CREG2: variants seen among roughly 807,000 people sequenced by gnomAD.
CREG2 encodes the protein protein CREG2.
A neutral mutation model predicts 26.2 loss-of-function variants in CREG2; 24 were observed. That is an observed-to-expected ratio of 0.92 (90% CI 0.66 to 1.29). The LOEUF (loss-of-function observed/expected upper bound fraction) is 1.29. CREG2 is among the 50% of genes most tolerant of loss of function. The probability of loss-of-function intolerance (pLI) is 0.00; values close to 1 mark genes in which losing one functional copy is unlikely to be tolerated. For missense variants in CREG2, 366 were observed against 398.6 expected, an observed-to-expected ratio of 0.92 and a Z score of 0.70; for synonymous variants, 174 against 169.2, an observed-to-expected ratio of 1.03 and a Z score of -0.22.
chr2:101,355,360 GT>G lies in CREG2; in HGVS notation c.617del (p.Asn206ThrfsTer13), dbSNP rs755179368. On this transcript the variant is annotated frameshift_variant, in exon 3 of 4. Transcript: ENST00000324768. LOFTEE classifies it high-confidence loss of function. ...ATCGGGGATCTTCCGGATCAACGAT[GT>G]TTTTTCTGCATGTGAAAAACATTTT... is the stretch of plus-strand genomic sequence containing the variant. The part of the protein sequence containing the change: ...PESEGEFCRK[N>X]IVDPEDPRCV... The G allele has an allele frequency of 1.9e-6, 3 of 1,610,734 alleles. No individual in the cohort carries two copies. Among genetic ancestry groups the G allele is most frequent in the Non-Finnish European group, 1.7e-6 (2 of 1,176,960 alleles).
intron 2 of CREG2, among the ~76,000 whole-genome samples, chr2:101,357,663 A>T (rs1227459405): frequency 6.6e-6 from 1 of 152,032 alleles, no homozygotes; most frequent in Admixed American, 6.6e-5. Flanking sequence ...TACCAAGGAC[A>T]TTTGTACATC....
rs866847285 is a variant in CREG2, at chr2:101,387,362, G to A, written c.96C>T (p.Tyr32=). ...CCCAAGACACGGAGCTCACGATCAC[G>A]TAGCCCGCGGCCGGGGACAGCAGGG... The part of the protein sequence containing the change: ...CSALLSPAAG[Y]VIVSSVSWAV... Residue 32 remains tyrosine, a synonymous_variant, in exon 1 of 4, where the codon TAC becomes TAT. Coordinates refer to ENST00000324768, the MANE Select transcript of CREG2 (RefSeq NM_153836.4). The surrounding 1 kb of genome is among the most constrained non-coding windows in gnomAD (Gnocchi z 4.7). 4.1e-6 allele frequency: 6 copies of A among 1,471,280 alleles called. No homozygotes were observed. The South Asian group carries it at 6.5e-5, about 16-fold the overall frequency. 91.1% of individuals were successfully genotyped at this position (1,471,280 alleles called of 1,614,324 possible). A position where few individuals can be genotyped will look rare whatever the true frequency, so the allele number is the denominator to read the frequency against.
intron 2 of CREG2, among the ~76,000 whole-genome samples, chr2:101,372,142 A>G (rs992678682): frequency 6.6e-5 from 10 of 152,086 alleles, no homozygotes; most frequent in Admixed American, 2.0e-4. Flanking sequence ...CAGCTCCCCT[A>G]TTGTGGACAG....
intron 2 of CREG2, among the ~76,000 whole-genome samples, chr2:101,370,427 T>G (rs1684687355): frequency 6.6e-6 from 1 of 152,180 alleles, no homozygotes; most frequent in African/African-American, 2.4e-5. Flanking sequence ...ATCCCCACAG[T>G]GGACCTAGGG....
intron 2 of CREG2, among the ~76,000 whole-genome samples, chr2:101,365,182 G>C (rs1189310841): frequency 1.3e-5 from 2 of 152,184 alleles, no homozygotes; most frequent in Admixed American, 6.5e-5. Context: ...TTTTATTCCT[G>C]TTCCCTAGGG....
intron 3 of CREG2, among the ~76,000 whole-genome samples, chr2:101,354,396 C>T (rs974800386): frequency 6.6e-5 from 10 of 152,216 alleles, no homozygotes; most frequent in African/African-American, 9.6e-5. Flanking sequence ...TCCGATTGTG[C>T]CTTTAGCCCT....
Position 101,347,372 on chromosome 2 carries a change from T to G in CREG2, c.*3551A>C, listed in dbSNP as rs1201759579. 2.6e-5 allele frequency: 4 copies of G among 152,378 alleles called. No homozygotes were observed. Among genetic ancestry groups the G allele is most frequent in the Non-Finnish European group, 4.4e-5 (3 of 68,038 alleles). 9.4% of individuals were successfully genotyped at this position (152,378 alleles called of 1,614,324 possible). The stretch of plus-strand genomic sequence containing the variant: ...AGGGTCAGTATGGCAGTTGTATGTT[T>G]AGTTTTATGAGAAACTGGCAAATGG... On this transcript the variant is annotated 3_prime_UTR_variant, in exon 4 of 4. Transcript: ENST00000324768.
rs1026894478 is a variant in CREG2, at chr2:101,348,049, T to C, written c.*2874A>G. On this transcript the variant is annotated 3_prime_UTR_variant, in exon 4 of 4. Transcript: ENST00000324768. ...TGGATGTCCACTTACTCCACACTTA[T>C]TGAAAAGGCTATCCTCTGTTGAATT... The C allele has an allele frequency of 6.6e-6, 1 of 152,242 alleles. No homozygotes were observed. Among genetic ancestry groups the C allele is most frequent in the African/African-American group, 2.4e-5 (1 of 41,458 alleles). The allele number at this position is 152,242 out of a possible 1,614,324, so 9.4% of individuals were successfully genotyped here.
Position 101,375,444 on chromosome 2 carries a change from C to T in CREG2, c.611+8089G>A, listed in dbSNP as rs1397412865. 2.0e-5 allele frequency: 3 copies of T among 152,266 alleles called. 1 individual carries two copies. The highest frequency in any genetic ancestry group is 4.4e-5 in the Non-Finnish European group (3 of 68,078). 9.4% of individuals were successfully genotyped at this position (152,266 alleles called of 1,614,324 possible). ...TGGGGGAGTAAGAAGGGGTGTGGCC[C>T]ATGGCCATCTTTCATTAAGAGCCTT... On this transcript the variant is annotated intron_variant, in intron 2 of 3. Coordinates refer to ENST00000324768, the MANE Select transcript of CREG2 (RefSeq NM_153836.4).
intron 2 of CREG2, among the ~76,000 whole-genome samples, chr2:101,360,615 G>A (rs1033852027): frequency 5.3e-5 from 8 of 152,036 alleles, no homozygotes; most frequent in African/African-American, 1.9e-4. Flanking sequence ...GTGGGCAGCT[G>A]TAATTCCAGC....
At chr2:101,378,172 T>C (rs1473511276) in intron 2 of CREG2, among the ~76,000 whole-genome samples, 1 of 152,224 alleles carries the variant, frequency 6.6e-6, no homozygotes, top group Non-Finnish European at 1.5e-5. Context: ...TCTGCTTCTA[T>C]GAGTCGACTT....
In CREG2 at chr2:101,365,223, C is replaced by T. The variant is rs12477520; in HGVS notation, c.612-9857G>A. On this transcript the variant is annotated intron_variant, in intron 2 of 3. Transcript: ENST00000324768. Reference sequence around the variant, plus strand: ...CTAGAACAAATAGGATTCTCCTGTTCGGTGCTAGCCTTTCCGGCATCTGCA... The same window carrying T: ...CTAGAACAAATAGGATTCTCCTGTTTGGTGCTAGCCTTTCCGGCATCTGCA... Among the ~76,000 whole-genome samples, 935 of 152,282 alleles carry T rather than the reference C, an allele frequency of 6.1e-3. 5 individuals carry two copies. Among genetic ancestry groups the T allele is most frequent in the South Asian group, 9.1e-3 (44 of 4,832 alleles).
chr2:101,355,141 G>C, intron 3 of CREG2, 112 bp downstream of exon 3: 1 of 702,832 alleles, frequency 1.4e-6, no homozygotes, highest in Non-Finnish European at 2.5e-6. Flanking sequence ...CCCACCGAAG[G>C]GCAGTGGAGA....
chr2:101,370,557 GC>G (rs1684688817), intron 2 of CREG2, among the ~76,000 whole-genome samples: 1 of 152,166 alleles, frequency 6.6e-6, no homozygotes, highest in African/African-American at 2.4e-5. Flanking sequence ...CAAATTAGAA[GC>G]CCTTTTCTCT....
chr2:101,367,658 T>G (rs1040766847), intron 2 of CREG2, among the ~76,000 whole-genome samples: 4 of 152,152 alleles, frequency 2.6e-5, no homozygotes, highest in Admixed American at 6.5e-5. Flanking sequence ...GAATGTGACT[T>G]CATATGGTAA....
intron 3 of CREG2, 66 bp from the exon 4 acceptor site, chr2:101,351,136 C>A: frequency 1.3e-6 from 2 of 1,515,158 alleles, no homozygotes; most frequent in South Asian, 1.2e-5. Context: ...TGGGCCAAGT[C>A]ATAGGACCTC....
intron 2 of CREG2, among the ~76,000 whole-genome samples, chr2:101,356,479 A>T (rs1159573508): frequency 1.3e-5 from 2 of 152,236 alleles, no homozygotes; most frequent in Non-Finnish European, 2.9e-5. Flanking sequence ...GTACAACATA[A>T]GAGTTCACAA....
chr2:101,370,746 A>G (rs62156069), intron 2 of CREG2, among the ~76,000 whole-genome samples: 21,885 of 152,066 alleles, frequency 0.14, 2,125 homozygotes, highest in African/African-American at 0.26. Flanking sequence ...GTCATGCTGA[A>G]GCCCACCAAA....
intron 3 of CREG2, among the ~76,000 whole-genome samples, chr2:101,351,632 C>T (rs1313062226): frequency 6.6e-6 from 1 of 152,128 alleles, no homozygotes; most frequent in Non-Finnish European, 1.5e-5. Context: ...CAGGTGAGAG[C>T]CAGCTAGAGT....
Sources: allele counts gnomAD v4.1 joint callset (sites outside exome capture counted in the v4.1 genomes callset), GRCh38; gene constraint gnomAD v4.1.1; non-coding constraint Gnocchi (gnomAD v3.1); transcripts MANE v1.5; gene names NCBI Gene and HGNC (gene_info 2026-07-23, HGNC 2026-07-21).